SHC2: variants seen among roughly 807,000 people sequenced by gnomAD.
The protein encoded by SHC2 is SHC-transforming protein 2.
In SHC2, 62 loss-of-function variants were observed where a neutral mutation model predicts 60.6. That is an observed-to-expected ratio of 1.02 (90% CI 0.83 to 1.26). The LOEUF (loss-of-function observed/expected upper bound fraction) is 1.26, where lower values mean the gene tolerates loss of function less well. Among genes scored for constraint, SHC2 ranks in the 50% most tolerant of loss-of-function variants. The probability of loss-of-function intolerance (pLI) is 0.00; values close to 1 mark genes in which losing one functional copy is unlikely to be tolerated. For missense variants in SHC2, 873 were observed against 822.2 expected (o/e 1.06, Z -0.76); for synonymous variants, 375 against 372.4 (o/e 1.01, Z -0.08).
In SHC2 at chr19:422,261, C is replaced by T. The variant is rs372944679; in HGVS notation, c.1505G>A (p.Arg502Gln). 6.2e-6 allele frequency: 10 copies of T among 1,612,404 alleles called. No homozygotes were observed. The highest frequency in any genetic ancestry group is 8.5e-6 in the Non-Finnish European group (10 of 1,179,624). Residue 502 changes from arginine to glutamine, a missense_variant, in exon 11 of 13, where the codon CGA (arginine) becomes CAA (glutamine). Transcript: ENST00000264554. The surrounding 1 kb of genome is among the most constrained non-coding windows in gnomAD (Gnocchi z 5.0). ...MSRRAAERML[R>Q]ADGDFLVRDS... Reference sequence around the variant, plus strand: ...TCGCACAAGGAAGTCCCCGTCAGCTCGAAGCATCCTCTCTGCCGCCCGGCG... The same window carrying T: ...TCGCACAAGGAAGTCCCCGTCAGCTTGAAGCATCCTCTCTGCCGCCCGGCG...
chr19:434,288 G>C (rs1347325904), intron 8 of SHC2, among the ~76,000 whole-genome samples: 1 of 138,068 alleles, frequency 7.2e-6, no homozygotes, highest in African/African-American at 2.7e-5. Context: ...TCATGAGTGA[G>C]TGAGATCATG....
Position 438,671 on chromosome 19 carries a change from G to C in SHC2, c.720+47C>G. 1 of 1,541,870 alleles carries C rather than the reference G, an allele frequency of 6.5e-7. No homozygotes were observed. The highest frequency in any genetic ancestry group is 8.7e-7 in the Non-Finnish European group (1 of 1,144,396). ...CCTGGCTTTGCCTCCTAGGACTCCT[G>C]GCCCCTCTGGGGGTCTGGGGACGCC... On this transcript the variant is annotated intron_variant, in intron 4 of 12. Transcript: ENST00000264554. This position sits in a 1 kb window ranked among gnomAD's most constrained non-coding sequence, Gnocchi z 5.0.
At chr19:434,204 C>G (rs1974647226) in intron 8 of SHC2, among the ~76,000 whole-genome samples, 1 of 77,924 alleles carries the variant, frequency 1.3e-5, no homozygotes, top group African/African-American at 6.3e-5. Context: ...CACGGCGCCC[C>G]ATTGTGAGCC....
In SHC2 at chr19:425,173, C is replaced by G. The variant is rs1373728311; in HGVS notation, c.1233G>C (p.Glu411Asp). 7.4e-7 allele frequency: 1 copy of G among 1,357,100 alleles called. No homozygotes were observed. The highest frequency in any genetic ancestry group is 2.8e-5 in the East Asian group (1 of 36,002). The allele number at this position is 1,357,100 out of a possible 1,614,324, so 84.1% of individuals were successfully genotyped here. ...GACCCTGGGTGTTGACATACAGGTG[C>G]TCCTCGTGGTCCGGGGGGCCCCGGG... is the stretch of plus-strand genomic sequence containing the variant. ...ADARGPPDHE[E>D]HLYVNTQGLD... Residue 411 changes from glutamate to aspartate, a missense_variant, in exon 10 of 13, where the codon GAG becomes GAC. Transcript: ENST00000264554. This position sits in a 1 kb window ranked among gnomAD's most constrained non-coding sequence, Gnocchi z 4.1.
chr19:437,769 C>A (rs977876823), intron 4 of SHC2, among the ~76,000 whole-genome samples: 1 of 152,054 alleles, frequency 6.6e-6, no homozygotes, highest in Non-Finnish European at 1.5e-5. Flanking sequence ...TGCTGTCTCA[C>A]CCCAAACTCC....
At chr19:456,253 C>T (rs1437537215) in intron 1 of SHC2, among the ~76,000 whole-genome samples, 1 of 152,176 alleles carries the variant, frequency 6.6e-6, no homozygotes, top group East Asian at 1.9e-4. Flanking sequence ...CAGGAGGGAC[C>T]GGCTGTCCCT....
chr19:418,092 C>T (rs1337808446), intron 12 of SHC2, among the ~76,000 whole-genome samples: 4 of 152,180 alleles, frequency 2.6e-5, no homozygotes, highest in Middle Eastern at 3.2e-3. Flanking sequence ...ACCTGCCTGT[C>T]CCTCCTCCGT....
At chr19:451,365 A>G (rs943127785) in intron 1 of SHC2, among the ~76,000 whole-genome samples, 1 of 103,358 alleles carries the variant, frequency 9.7e-6, no homozygotes, top group Admixed American at 8.3e-5. Context: ...CAGCGTGTGG[A>G]TGGCCACGCC....
intron 1 of SHC2, among the ~76,000 whole-genome samples, chr19:448,534 TTAAC>T (rs886912829): frequency 5.9e-5 from 9 of 152,224 alleles, no homozygotes; most frequent in African/African-American, 2.2e-4. Context: ...TGGCCTCATC[TTAAC>T]TAACCACGTC....
Position 422,934 on chromosome 19 carries a change from C to A in SHC2, c.1310-478G>T, listed in dbSNP as rs932870945. On this transcript the variant is annotated intron_variant, in intron 10 of 12. Transcript: ENST00000264554. This position sits in a 1 kb window ranked among gnomAD's most constrained non-coding sequence, Gnocchi z 5.0. ...TTCTAACGGCTTCCAACAATGCCAACATCCGACAGGCCACTCTAAGGCTCT... is the reference window on the plus strand; with the variant it reads ...TTCTAACGGCTTCCAACAATGCCAAAATCCGACAGGCCACTCTAAGGCTCT... 4.3e-5 allele frequency: 7 copies of A among 163,830 alleles called. 1 individual carries two copies. The highest frequency in any genetic ancestry group is 1.8e-4 in the South Asian group (1 of 5,706). The allele number at this position is 163,830 out of a possible 1,614,324, so 10.1% of individuals were successfully genotyped here. A position where few individuals can be genotyped will look rare whatever the true frequency, so the allele number is the denominator to read the frequency against.
intron 1 of SHC2, among the ~76,000 whole-genome samples, chr19:456,187 G>GC (rs904161889): frequency 3.9e-5 from 6 of 152,182 alleles, no homozygotes; most frequent in African/African-American, 1.4e-4. Flanking sequence ...GCCGGCCGCA[G>GC]CCCCCGGGTG....
chr19:447,105 T>C (rs1393299173), intron 1 of SHC2, among the ~76,000 whole-genome samples: 1 of 152,214 alleles, frequency 6.6e-6, no homozygotes, highest in African/African-American at 2.4e-5. Context: ...AACTGATAAA[T>C]GCAGTGGGGT....
chr19:451,598 G>A (rs1975199976), intron 1 of SHC2, among the ~76,000 whole-genome samples: 1 of 152,108 alleles, frequency 6.6e-6, no homozygotes, highest in South Asian at 2.1e-4. Flanking sequence ...TAACTTTTTG[G>A]CATTTTTTGT....
At chr19:434,896 A>G (rs1192510799) in intron 7 of SHC2, 31 bp from the exon 8 acceptor site, 1 of 1,601,348 alleles carries the variant, frequency 6.2e-7, no homozygotes, top group Non-Finnish European at 8.5e-7. Flanking sequence ...GCCATGGCAC[A>G]GGCAGGGCCC....
At chr19:460,299 C>G (rs1975508580) in intron 1 of SHC2, among the ~76,000 whole-genome samples, 1 of 152,094 alleles carries the variant, frequency 6.6e-6, no homozygotes. Flanking sequence ...CCCTCCCCCG[C>G]CGCCCTCTCC....
In SHC2 at chr19:436,216, C is replaced by CGCA; in HGVS notation, c.899_901dup (p.Leu300dup). Reference sequence around the variant, plus strand: ...CGGGCTGTGCAGGTACTGCTTGAAGCGCAGCTCGAAAGCTTGGCCCACGGT... The same window carrying CGCA: ...CGGGCTGTGCAGGTACTGCTTGAAGCGCAGCAGCTCGAAAGCTTGGCCCACGGT... On this transcript the variant is annotated inframe_insertion, in exon 7 of 13. Coordinates refer to ENST00000264554, the MANE Select transcript of SHC2 (RefSeq NM_012435.3). 1 of 1,605,690 alleles carries CGCA rather than the reference C, an allele frequency of 6.2e-7. No individual in the cohort carries two copies. The highest frequency in any genetic ancestry group is 1.7e-4 in the Middle Eastern group (1 of 6,056).
intron 1 of SHC2, among the ~76,000 whole-genome samples, chr19:450,493 CACTT>C (rs144181405): frequency 0.033 from 5,052 of 152,270 alleles, 277 homozygotes; most frequent in African/African-American, 0.11. Flanking sequence ...CCCCACAAAA[CACTT>C]ACTCCCCGTC....
At chr19:431,175 TA>T in intron 8 of SHC2, among the ~76,000 whole-genome samples, 1 of 152,402 alleles carries the variant, frequency 6.6e-6, no homozygotes, top group South Asian at 2.1e-4. Context: ...AGGCCCTGAT[TA>T]AATCATTGCC....
chr19:455,476 C>T (rs144373031), intron 1 of SHC2, among the ~76,000 whole-genome samples: 79 of 152,384 alleles, frequency 5.2e-4, no homozygotes, highest in African/African-American at 1.8e-3. Flanking sequence ...GCATTTGCAC[C>T]GATGCTGCCC....
Sources: allele counts gnomAD v4.1 joint callset (sites outside exome capture counted in the v4.1 genomes callset), GRCh38; gene constraint gnomAD v4.1.1; non-coding constraint Gnocchi (gnomAD v3.1); transcripts MANE v1.5; gene names NCBI Gene and HGNC (gene_info 2026-07-23, HGNC 2026-07-21).